Variants in CNBD1 observed in about 807,000 individuals in gnomAD.
CNBD1 encodes cyclic nucleotide binding domain containing 1.
CNBD1 carries 71 observed loss-of-function variants against 54.4 expected under a neutral mutation model. The ratio of observed to expected loss-of-function variants is 1.30; its 90% confidence interval spans 1.08 to 1.59. The LOEUF (loss-of-function observed/expected upper bound fraction) is 1.59. CNBD1 is among the 40% of genes most tolerant of loss of function. The probability of loss-of-function intolerance (pLI) is 0.00; values close to 1 mark genes in which losing one functional copy is unlikely to be tolerated. For missense variants in CNBD1, 659 were observed against 518.0 expected, an observed-to-expected ratio of 1.27 and a Z score of -2.64; for synonymous variants, 182 against 170.7, an observed-to-expected ratio of 1.07 and a Z score of -0.51.
intron 2 of CNBD1, among the ~76,000 whole-genome samples, chr8:87,427,172 C>T (rs1169624857): frequency 1.3e-5 from 2 of 151,962 alleles, no homozygotes; most frequent in African/African-American, 4.8e-5. Flanking sequence ...ACTCAATTCC[C>T]ATTAGGCCAT....
chr8:87,319,474 A>G (rs1169122072), intron 8 of CNBD1, among the ~76,000 whole-genome samples: 1 of 152,104 alleles, frequency 6.6e-6, no homozygotes, highest in African/African-American at 2.4e-5. Context: ...AGTTTAGATG[A>G]GTACTCATAG....
In CNBD1 at chr8:87,327,292, C is replaced by G. The variant is rs1295094771; in HGVS notation, c.1043-24393C>G. 2.7e-5 allele frequency among the ~76,000 whole-genome samples: 4 copies of G among 149,106 alleles called. No homozygotes were observed. The East Asian group carries it at 5.9e-4, about 22-fold the overall frequency. ...GCCCTGCCCCCAGAGGTGGAGCCTA[C>G]AGAGGCAGGCTGGCCTCCTTGAGCT... is the stretch of plus-strand genomic sequence containing the variant. On this transcript the variant is annotated intron_variant, in intron 8 of 10. Coordinates refer to ENST00000518476, the MANE Select transcript of CNBD1 (RefSeq NM_173538.3).
chr8:87,405,138 A>C (rs1020768222), intron 2 of CNBD1, among the ~76,000 whole-genome samples: 22 of 152,070 alleles, frequency 1.4e-4, no homozygotes, highest in Non-Finnish European at 2.8e-4. Flanking sequence ...TAATATACTC[A>C]ACCATTGTTA....
chr8:87,045,845 T>G (rs981726489), intron 4 of CNBD1, among the ~76,000 whole-genome samples: 1 of 150,778 alleles, frequency 6.6e-6, no homozygotes, highest in Non-Finnish European at 1.5e-5. Flanking sequence ...ATTGAGACCA[T>G]CCTGGCGAAC....
At chr8:87,068,118 G>A (rs1810690415) in intron 4 of CNBD1, among the ~76,000 whole-genome samples, 1 of 151,954 alleles carries the variant, frequency 6.6e-6, no homozygotes, top group African/African-American at 2.4e-5. Flanking sequence ...AATTGCAACT[G>A]TGATTTTGAC....
At chr8:87,421,270 T>A (rs1321759649) in intron 2 of CNBD1, among the ~76,000 whole-genome samples, 1 of 151,898 alleles carries the variant, frequency 6.6e-6, no homozygotes, top group Admixed American at 6.6e-5. Context: ...TTTTTATTTA[T>A]TTCTTTATTT....
At chr8:87,391,561 A>AT (rs113034061) in intron 2 of CNBD1, among the ~76,000 whole-genome samples, 2,874 of 152,152 alleles carry the variant, frequency 0.019, 92 homozygotes, top group African/African-American at 0.063. Context: ...TGCCTAGTTG[A>AT]TTTTTTGACA....
intron 4 of CNBD1, among the ~76,000 whole-genome samples, chr8:86,972,834 T>C (rs1407031502): frequency 2.0e-5 from 3 of 152,152 alleles, no homozygotes; most frequent in Non-Finnish European, 2.9e-5. Flanking sequence ...TTGGCTGTTA[T>C]CCTATTGCCA....
intron 2 of CNBD1, among the ~76,000 whole-genome samples, chr8:87,392,876 G>C (rs1006162681): frequency 6.6e-6 from 1 of 151,898 alleles, no homozygotes; most frequent in African/African-American, 2.4e-5. Flanking sequence ...GGACTAGCTT[G>C]GGAATATTGA....
At chr8:87,161,204 A>G (rs1051902296) in intron 4 of CNBD1, among the ~76,000 whole-genome samples, 10 of 152,044 alleles carry the variant, frequency 6.6e-5, no homozygotes, top group African/African-American at 1.9e-4. Context: ...TTACCTTCAC[A>G]TATGTTTTCT....
downstream of CNBD1, among the ~76,000 whole-genome samples, chr8:87,386,481 A>T (rs1811192660): frequency 6.6e-6 from 1 of 152,240 alleles, no homozygotes; most frequent in African/African-American, 2.4e-5. Context: ...AAGCCTCAGT[A>T]GCCAATTCGA....
chr8:87,093,068 A>T (rs573732811), intron 4 of CNBD1, among the ~76,000 whole-genome samples: 1 of 152,212 alleles, frequency 6.6e-6, no homozygotes, highest in Admixed American at 6.5e-5. Flanking sequence ...GAATAAACAC[A>T]ATCTTTTCTT....
At chr8:87,035,752 G>A (rs1222722087) in intron 4 of CNBD1, among the ~76,000 whole-genome samples, 1 of 152,114 alleles carries the variant, frequency 6.6e-6, no homozygotes, top group Non-Finnish European at 1.5e-5. Flanking sequence ...AATGTCTGGA[G>A]GGTGGATAGT....
intron 4 of CNBD1, among the ~76,000 whole-genome samples, chr8:87,066,888 T>A (rs1810666558): frequency 6.6e-6 from 1 of 152,024 alleles, no homozygotes; most frequent in African/African-American, 2.4e-5. Context: ...ATCACCGATG[T>A]AATTACTTCT....
chr8:86,923,061 G>C (rs1454744256), intron 3 of CNBD1, among the ~76,000 whole-genome samples: 1 of 152,122 alleles, frequency 6.6e-6, no homozygotes, highest in Non-Finnish European at 1.5e-5. Flanking sequence ...GGTCCTTGGC[G>C]TTTTTAACAA....
chr8:87,339,631 A>G (rs1021425376), intron 8 of CNBD1, among the ~76,000 whole-genome samples: 2 of 151,964 alleles, frequency 1.3e-5, no homozygotes, highest in African/African-American at 4.8e-5. Context: ...TAATTTTTTA[A>G]AGTGATGTGC....
chr8:86,969,917 T>C (rs1279734616), intron 4 of CNBD1, among the ~76,000 whole-genome samples: 1 of 151,976 alleles, frequency 6.6e-6, no homozygotes, highest in African/African-American at 2.4e-5. Flanking sequence ...TACTCCTATT[T>C]TTAAACTTGC....
At chr8:87,310,394 A>T (rs1207316296) in intron 8 of CNBD1, among the ~76,000 whole-genome samples, 1 of 152,094 alleles carries the variant, frequency 6.6e-6, no homozygotes, top group Non-Finnish European at 1.5e-5. Flanking sequence ...ACACAAAAAA[A>T]TAAATACGTA....
At chr8:87,317,260 C>T (rs1809408517) in intron 8 of CNBD1, among the ~76,000 whole-genome samples, 1 of 151,408 alleles carries the variant, frequency 6.6e-6, no homozygotes, top group Non-Finnish European at 1.5e-5. Context: ...CTTATAGTAG[C>T]TTAAGGAAGT....
Sources: gnomAD v4.1 joint callset for allele counts (sites outside exome capture counted in the v4.1 genomes callset) on GRCh38, gnomAD v4.1.1 for gene constraint, MANE v1.5 for transcripts, NCBI Gene and HGNC (gene_info 2026-07-23, HGNC 2026-07-21) for gene names.